ANKRD33: variants seen among roughly 807,000 people sequenced by gnomAD.
The protein encoded by ANKRD33 is ankyrin repeat domain 33, also known as photoreceptor ankyrin repeat protein.
A neutral mutation model predicts 20.6 loss-of-function variants in ANKRD33; 20 were observed. The ratio of observed to expected loss-of-function variants is 0.97; its 90% CI spans 0.68 to 1.41. The LOEUF (loss-of-function observed/expected upper bound fraction) is 1.41, where lower values mean the gene tolerates loss of function less well. Among genes scored for constraint, ANKRD33 ranks in the 40% most tolerant of loss-of-function variants. The probability of loss-of-function intolerance (pLI) is 0.00; values close to 1 mark genes in which losing one functional copy is unlikely to be tolerated. For synonymous variants in ANKRD33, 246 were observed against 245.0 expected, an observed-to-expected ratio of 1.00 and a Z score of -0.04; for missense variants, 545 against 579.6, an observed-to-expected ratio of 0.94 and a Z score of 0.61.
At position 51,889,364 on chromosome 12, in the gene ANKRD33, C is replaced by T. The variant is rs1424487098; in HGVS notation, c.527-8C>T. The stretch of plus-strand genomic sequence containing the variant: ...CTGGGGACCAAGCTTACCCTTGCTG[C>T]CCTGCAGGCCACGTGCCTCTAGTGA... On this transcript the variant is annotated splice_polypyrimidine_tract_variant and splice_region_variant and intron_variant, in intron 3 of 4. Coordinates refer to ENST00000301190, the MANE Select transcript of ANKRD33 (RefSeq NM_182608.4). 6.2e-7 allele frequency: 1 copy of T among 1,613,516 alleles called. No homozygotes were observed. Among genetic ancestry groups the T allele is most frequent in the East Asian group, 2.2e-5 (1 of 44,874 alleles).
chr12:51,890,831 TG>T lies in ANKRD33; in HGVS notation c.886del (p.Ala296ProfsTer14). On this transcript the variant is annotated frameshift_variant, in exon 5 of 5. Transcript: ENST00000301190. LOFTEE classifies it low-confidence loss of function (END_TRUNC). Reference sequence around the variant, plus strand: ...TGCAGGCTACCTTGAGCCTCCCCTTTGCCCCGTCTCCTCAGGAGGGGGGTGT... The same window carrying T: ...TGCAGGCTACCTTGAGCCTCCCCTTTCCCCGTCTCCTCAGGAGGGGGGTGT... ...RLQATLSLPF[A>X]PSPQEGGVLD... The T allele has an allele frequency of 4.3e-6, 7 of 1,611,574 alleles. No homozygotes were observed. Among genetic ancestry groups the T allele is most frequent in the Non-Finnish European group, 5.9e-6 (7 of 1,179,756 alleles).
chr12:51,890,781 GT>G lies in ANKRD33; in HGVS notation c.837del (p.Ala280ProfsTer5). 1.2e-6 allele frequency: 2 copies of G among 1,605,838 alleles called. No individual in the cohort carries two copies. Among genetic ancestry groups the G allele is most frequent in the Non-Finnish European group, 1.7e-6 (2 of 1,179,320 alleles). ...GGCCCAGGCCCAGGCCCAGGCCCAG[GT>G]TGCCCCTTCACTCCTAGAACGGCTG... is the stretch of plus-strand genomic sequence containing the variant. The part of the protein sequence containing the change: ...LVAQAQAQAQ[V>X]APSLLERLQA... On this transcript the variant is annotated frameshift_variant, in exon 5 of 5. Coordinates refer to ENST00000301190, the MANE Select transcript of ANKRD33 (RefSeq NM_182608.4). LOFTEE classifies it low-confidence loss of function (END_TRUNC).
rs778097223 is a variant in ANKRD33, at chr12:51,890,704, A to G, written c.758A>G (p.Glu253Gly). ...IRQLLRRPQV[E>G]QLSQHYKPEW... is the part of the protein sequence containing the mutation. Reference sequence around the variant, plus strand: ...CAGCTGCTGAGGCGGCCCCAAGTGGAGCAGCTTAGCCAGCACTACAAGCCC... The same window carrying G: ...CAGCTGCTGAGGCGGCCCCAAGTGGGGCAGCTTAGCCAGCACTACAAGCCC... The change falls in exon 5 of 5, where the codon GAG becomes GGG. Residue 253 changes from glutamate (E) to glycine (G), a missense_variant. Glu to Gly is a moderately conservative substitution (Grantham distance 98). Transcript: ENST00000301190. The G allele has an allele frequency of 1.1e-5, 18 of 1,603,822 alleles. No homozygotes were observed. Among genetic ancestry groups the G allele is most frequent in the Non-Finnish European group, 1.4e-5 (17 of 1,179,968 alleles).
At position 51,888,744 on chromosome 12, in the gene ANKRD33, C is replaced by T. The variant is rs267603509; in HGVS notation, c.322C>T (p.Pro108Ser). The change falls in exon 2 of 5, where the codon CCC becomes TCC. Residue 108 changes from proline to serine, a missense_variant. Pro to Ser is a moderately conservative substitution (Grantham distance 74). Coordinates refer to ENST00000301190, the MANE Select transcript of ANKRD33 (RefSeq NM_182608.4). Reference protein sequence around the residue: ...ALYWACVHNDPTQLQAILDGG... With the variant: ...ALYWACVHNDSTQLQAILDGG... ...GTATTGGGCCTGTGTCCACAATGAT[C>T]CCACCCAGCTCCAAGCCATACTGGA... The T allele has an allele frequency of 1.9e-6, 3 of 1,614,074 alleles. No individual in the cohort carries two copies. The highest frequency in any genetic ancestry group is 2.5e-6 in the Non-Finnish European group (3 of 1,180,024).
Position 51,889,446 on chromosome 12 carries a change from C to T in ANKRD33, c.601C>T (p.Leu201Phe). Residue 201 changes from leucine (L) to phenylalanine (F), a missense_variant, in exon 4 of 5, where the codon CTC (leucine) becomes TTC (phenylalanine). Transcript: ENST00000301190. ...LDLERRDQRG[L>F]TALMKAAMRN... The stretch of plus-strand genomic sequence containing the variant: ...CCTGGAACGCCGGGACCAGCGGGGG[C>T]TCACGGCGTTAATGAAGGCTGCCAT... 1.2e-6 allele frequency: 2 copies of T among 1,614,120 alleles called. No homozygotes were observed. Among genetic ancestry groups the T allele is most frequent in the Non-Finnish European group, 1.7e-6 (2 of 1,180,018 alleles).
At position 51,888,778 on chromosome 12, in the gene ANKRD33, T is replaced by C; in HGVS notation, c.356T>C (p.Val119Ala). The C allele has an allele frequency of 6.2e-7, 1 of 1,613,734 alleles. No homozygotes were observed. Among genetic ancestry groups the C allele is most frequent in the South Asian group, 1.1e-5 (1 of 91,078 alleles). ...TQLQAILDGG[V>A]SPEEATQVDS... ...CTCCAAGCCATACTGGATGGTGGGG[T>C]CTCCCCAGAGGAGGCCACCCAGGTG... Residue 119 changes from valine (V) to alanine (A), a missense_variant, in exon 2 of 5, where the codon GTC becomes GCC. Val to Ala is a moderately conservative substitution (Grantham distance 64). Coordinates refer to ENST00000301190, the MANE Select transcript of ANKRD33 (RefSeq NM_182608.4).
At chr12:51,890,072 C>T (rs12228158) in intron 4 of ANKRD33, 24,140 of 248,804 alleles carry the variant, frequency 0.097, 2,754 homozygotes, top group African/African-American at 0.31. Context: ...CTCCATTTTT[C>T]CCTTCCCCAC....
rs1163656783 is a variant in ANKRD33, at chr12:51,889,550, C to T, written c.637+68C>T. 5 of 1,572,274 alleles carry T rather than the reference C, an allele frequency of 3.2e-6. No individual in the cohort carries two copies. In the East Asian group the frequency reaches 1.1e-4, roughly 36 times the overall value. On this transcript the variant is annotated intron_variant, in intron 4 of 4. Coordinates refer to ENST00000301190, the MANE Select transcript of ANKRD33 (RefSeq NM_182608.4). ...TGGACCGGGGTGTGTGGCCTCCAGTCCCTCCTCCAAGCCTTCCCACCAGAC... is the reference window on the plus strand; with the variant it reads ...TGGACCGGGGTGTGTGGCCTCCAGTTCCTCCTCCAAGCCTTCCCACCAGAC...
intron 4 of ANKRD33, 95 bp from the exon 5 acceptor site, chr12:51,890,489 T>G (rs1314662979): frequency 2.0e-6 from 3 of 1,537,386 alleles, no homozygotes; most frequent in East Asian, 4.9e-5. Flanking sequence ...TGGCTTCGAA[T>G]GTAACCCACA....
chr12:51,890,191 G>A, intron 4 of ANKRD33: 2 of 377,098 alleles, frequency 5.3e-6, no homozygotes, highest in Non-Finnish European at 1.0e-5. Context: ...CAAGATGGGA[G>A]AGGGAGATGG....
intron 1 of ANKRD33, 33 bp downstream of exon 1, chr12:51,888,364 T>A: frequency 6.2e-7 from 1 of 1,613,150 alleles, no homozygotes; most frequent in Non-Finnish European, 8.5e-7. Flanking sequence ...TCTCCGTGAG[T>A]CTCACTGGGG....
rs748639822 is a variant in ANKRD33, at chr12:51,890,657, C to T, written c.711C>T (p.Phe237=). Reference sequence around the variant, plus strand: ...AATGGGCAGTGCTGACCGACAGCTTCGACACCGTGTGGAGGATTCGGCAGC... The same window carrying T: ...AATGGGCAGTGCTGACCGACAGCTTTGACACCGTGTGGAGGATTCGGCAGC... The part of the protein sequence containing the change: ...ALEWAVLTDS[F]DTVWRIRQLL... The change falls in exon 5 of 5, where the codon TTC becomes TTT. Residue 237 remains phenylalanine (F), a synonymous_variant. Coordinates refer to ENST00000301190, the MANE Select transcript of ANKRD33 (RefSeq NM_182608.4). 19 of 1,607,868 alleles carry T rather than the reference C, an allele frequency of 1.2e-5. No homozygotes were observed. The highest frequency in any genetic ancestry group is 1.6e-4 in the Middle Eastern group (1 of 6,084).
At chr12:51,889,882 C>T (rs1940355922) in intron 4 of ANKRD33, 2 of 236,740 alleles carry the variant, frequency 8.4e-6, no homozygotes, top group South Asian at 1.3e-4. Flanking sequence ...CCTGGGACTA[C>T]CTCCAACTCT....
Position 51,888,687 on chromosome 12 carries a change from A to AC in ANKRD33, c.270dup (p.Thr91HisfsTer17), listed in dbSNP as rs752632492. On this transcript the variant is annotated frameshift_variant, in exon 2 of 5. Transcript: ENST00000301190. ...GGCACTGCCCTGCCCGGGCAAGGAG[A>AC]CCCCCACCCCAGGCTGCAGGCTGGG... 1 of 1,612,402 alleles carries AC rather than the reference A, an allele frequency of 6.2e-7. No individual in the cohort carries two copies. Among genetic ancestry groups the AC allele is most frequent in the South Asian group, 1.1e-5 (1 of 90,832 alleles).
Position 51,891,046 on chromosome 12 carries a change from C to T in ANKRD33, c.1100C>T (p.Pro367Leu), listed in dbSNP as rs369733543. 42 of 1,613,982 alleles carry T rather than the reference C, an allele frequency of 2.6e-5. No homozygotes were observed. The highest frequency in any genetic ancestry group is 7.7e-5 in the South Asian group (7 of 91,080). Residue 367 changes from proline (P) to leucine (L), a missense_variant, in exon 5 of 5, where the codon CCG becomes CTG. Pro to Leu is a moderately conservative substitution (Grantham distance 98, BLOSUM62 -3). Transcript: ENST00000301190. ...QSPPGSPQRS[P>L]WVFVPYQSPQ... ...CCGCCAGGGAGTCCCCAGAGGTCCC[C>T]GTGGGTCTTCGTCCCCTACCAGAGC...
chr12:51,891,495 C>G lies in ANKRD33; in HGVS notation c.*190C>G. On this transcript the variant is annotated 3_prime_UTR_variant, in exon 5 of 5. Transcript: ENST00000301190. ...GAAAGAGTGGAAACACCCGAAGTGTCCATCAGTAAGGGACAGGCTAGATTG... is the reference window on the plus strand; with the variant it reads ...GAAAGAGTGGAAACACCCGAAGTGTGCATCAGTAAGGGACAGGCTAGATTG... 1 of 996,984 alleles carries G rather than the reference C, an allele frequency of 1.0e-6. No individual in the cohort carries two copies. Among genetic ancestry groups the G allele is most frequent in the Non-Finnish European group, 1.4e-6 (1 of 701,232 alleles). 61.8% of individuals were successfully genotyped at this position (996,984 alleles called of 1,614,324 possible).
In ANKRD33 at chr12:51,890,858, T is replaced by G; in HGVS notation, c.912T>G (p.Val304=). The G allele has an allele frequency of 6.2e-7, 1 of 1,613,068 alleles. No homozygotes were observed. Among genetic ancestry groups the G allele is most frequent in the Non-Finnish European group, 8.5e-7 (1 of 1,179,892 alleles). The change falls in exon 5 of 5, where the codon GTT becomes GTG. Residue 304 remains valine, a synonymous_variant. Coordinates refer to ENST00000301190, the MANE Select transcript of ANKRD33 (RefSeq NM_182608.4). Reference sequence around the variant, plus strand: ...CCCCGTCTCCTCAGGAGGGGGGTGTTCTGGACCACCTTGTGACTGCCACAA... The same window carrying G: ...CCCCGTCTCCTCAGGAGGGGGGTGTGCTGGACCACCTTGTGACTGCCACAA... ...PFAPSPQEGG[V]LDHLVTATTS...
In ANKRD33 at chr12:51,889,055, C is replaced by T; in HGVS notation, c.397-12C>T. The T allele has an allele frequency of 1.2e-6, 2 of 1,614,046 alleles. No homozygotes were observed. The highest frequency in any genetic ancestry group is 1.7e-6 in the Non-Finnish European group (2 of 1,179,960). On this transcript the variant is annotated splice_polypyrimidine_tract_variant and intron_variant, in intron 2 of 4. Coordinates refer to ENST00000301190, the MANE Select transcript of ANKRD33 (RefSeq NM_182608.4). ...GGGGGAAAGCAGGGGATCTGAGCTG[C>T]CCCTCCCTCAGACAGGCCTCATGGT... is the stretch of plus-strand genomic sequence containing the variant.
chr12:51,889,468 C>A lies in ANKRD33; in HGVS notation c.623C>A (p.Ala208Asp). Residue 208 changes from alanine (A) to aspartate (D), a missense_variant, in exon 4 of 5, where the codon GCC becomes GAC. Ala to Asp is a moderately radical substitution (Grantham distance 126, BLOSUM62 -2). Coordinates refer to ENST00000301190, the MANE Select transcript of ANKRD33 (RefSeq NM_182608.4). ...GGGCTCACGGCGTTAATGAAGGCTG[C>A]CATGCGGAACCGCTGTGAGTGCGTG... Reference protein sequence around the residue: ...QRGLTALMKAAMRNRCADLTA... With the variant: ...QRGLTALMKADMRNRCADLTA... 6.2e-7 allele frequency: 1 copy of A among 1,613,976 alleles called. No individual in the cohort carries two copies. Among genetic ancestry groups the A allele is most frequent in the East Asian group, 2.2e-5 (1 of 44,882 alleles).
Sources: allele counts gnomAD v4.1 joint callset, GRCh38; gene constraint gnomAD v4.1.1; transcripts MANE v1.5; gene names NCBI Gene and HGNC (gene_info 2026-07-23, HGNC 2026-07-21).